The following KIAA2012 variants were observed in gnomAD, a reference collection of about 807,000 sequenced individuals.
KIAA2012 encodes KIAA2012, also known as uncharacterized protein KIAA2012.
A neutral mutation model predicts 150.6 loss-of-function variants in KIAA2012; 125 were observed. The ratio of observed to expected loss-of-function variants is 0.83; its 90% CI spans 0.72 to 0.96. KIAA2012 has a LOEUF of 0.96. Among genes scored for constraint, KIAA2012 ranks in the 40% least tolerant of loss-of-function variants. KIAA2012 has a pLI of 0.00. For synonymous variants in KIAA2012, 462 were observed against 504.7 expected, an observed-to-expected ratio of 0.92 and a Z score of 1.13; for missense variants, 1,219 against 1,354.9, an observed-to-expected ratio of 0.90 and a Z score of 1.57.
chr2:202,152,455 T>C (rs950263498), intron 13 of KIAA2012, among the ~76,000 whole-genome samples: 2 of 152,188 alleles, frequency 1.3e-5, no homozygotes, highest in African/African-American at 4.8e-5. Context: ...TTGGAACTCG[T>C]CTTGACTATG....
chr2:202,138,465 A>G lies in KIAA2012; in HGVS notation c.1865A>G (p.Asn622Ser). 1 of 1,550,620 alleles carries G rather than the reference A, an allele frequency of 6.4e-7. No individual in the cohort carries two copies. The highest frequency in any genetic ancestry group is 8.7e-7 in the Non-Finnish European group (1 of 1,146,966). ...GAACCTAGAGCCAATCTTCACATGA[A>G]CCTTTATGAAACCTCACCGTTGACC... ...NTEPRANLHMNLYETSPLTQT... is the reference protein window; with the variant it reads ...NTEPRANLHMSLYETSPLTQT... Residue 622 changes from asparagine (N) to serine (S), a missense_variant, in exon 13 of 24, where the codon AAC becomes AGC. Transcript: ENST00000498697.
intron 14 of KIAA2012, among the ~76,000 whole-genome samples, chr2:202,162,387 G>T (rs1691674599): frequency 6.6e-6 from 1 of 151,732 alleles, no homozygotes; most frequent in South Asian, 2.1e-4. Flanking sequence ...CGATTCTCCT[G>T]CCTCAGCCTC....
chr2:202,200,707 C>T (rs1200580151), intron 22 of KIAA2012, among the ~76,000 whole-genome samples: 12 of 124,268 alleles, frequency 9.7e-5, no homozygotes, highest in Admixed American at 2.7e-4. Flanking sequence ...AATTTTGGAA[C>T]TTTTTTTTTT....
rs1689775140 is a variant in KIAA2012 at position 202,093,174 on chromosome 2, C to A, written c.674C>A (p.Ser225Tyr). The change falls in exon 4 of 24, where the codon TCT (serine) becomes TAT (tyrosine). Residue 225 changes from serine (S) to tyrosine (Y), a missense_variant. Physicochemically the swap from Ser to Tyr is moderately radical, Grantham distance 144. Coordinates refer to ENST00000498697, the MANE Select transcript of KIAA2012 (RefSeq NM_001277372.4). ...TCATTTTGGATTCAACAAGGAAAAT[C>A]TTTTGAACAACGTACGTGTTGATTT... Reference protein sequence around the residue: ...FPSFWIQQGKSFEQRQQGLDE... With the variant: ...FPSFWIQQGKYFEQRQQGLDE... 6.4e-7 allele frequency: 1 copy of A among 1,551,036 alleles called. No homozygotes were observed. The highest frequency in any genetic ancestry group is 1.4e-5 in the African/African-American group (1 of 73,060).
intron 12 of KIAA2012, among the ~76,000 whole-genome samples, chr2:202,135,202 G>A (rs1691035221): frequency 6.6e-6 from 1 of 152,224 alleles, no homozygotes; most frequent in Non-Finnish European, 1.5e-5. Context: ...TGTGTTTTCT[G>A]TTTATCTCTT....
intron 14 of KIAA2012, among the ~76,000 whole-genome samples, chr2:202,162,800 G>C (rs1258648828): frequency 2.0e-5 from 3 of 150,946 alleles, no homozygotes; most frequent in African/African-American, 7.3e-5. Flanking sequence ...CGTGGTGGCG[G>C]GCGCCTATAG....
At chr2:202,151,938 AT>A (rs928998683) in intron 13 of KIAA2012, among the ~76,000 whole-genome samples, 1 of 151,658 alleles carries the variant, frequency 6.6e-6, no homozygotes, top group Non-Finnish European at 1.5e-5. Flanking sequence ...TTTTCTTTAA[AT>A]TTTTTTGTAA....
chr2:202,119,436 C>T (rs1690606691), intron 11 of KIAA2012, among the ~76,000 whole-genome samples: 1 of 152,044 alleles, frequency 6.6e-6, no homozygotes, highest in African/African-American at 2.4e-5. Context: ...ATTCTACCTC[C>T]CTTGCATTTG....
chr2:202,094,831 T>C (rs1689823706), intron 4 of KIAA2012, among the ~76,000 whole-genome samples: 1 of 152,192 alleles, frequency 6.6e-6, no homozygotes, highest in Non-Finnish European at 1.5e-5. Context: ...AGGGCTTTCA[T>C]TTTATGGCTG....
intron 23 of KIAA2012, among the ~76,000 whole-genome samples, chr2:202,203,658 T>C (rs1692574814): frequency 6.6e-6 from 1 of 152,232 alleles, no homozygotes; most frequent in South Asian, 2.1e-4. Context: ...GGCAGCATTA[T>C]TCTAGAGCCC....
intron 11 of KIAA2012, chr2:202,115,112 TTTTGGTTTGG>T (rs1211997435): frequency 6.4e-6 from 1 of 157,006 alleles, no homozygotes; most frequent in African/African-American, 2.4e-5. Flanking sequence ...TGTTTGTTTG[TTTTGGTTTGG>T]TTTGGTTTGG....
intron 8 of KIAA2012, among the ~76,000 whole-genome samples, chr2:202,105,269 G>A (rs376634249): frequency 6.7e-6 from 1 of 150,216 alleles, no homozygotes; most frequent in Non-Finnish European, 1.5e-5. Flanking sequence ...GGAAAGGAAG[G>A]AGGGAAGGAA....
At chr2:202,153,194 A>G (rs1390310701) in intron 13 of KIAA2012, among the ~76,000 whole-genome samples, 1 of 152,206 alleles carries the variant, frequency 6.6e-6, no homozygotes, top group Non-Finnish European at 1.5e-5. Flanking sequence ...ACCCTGTGCC[A>G]GAAACTGCTG....
In KIAA2012 at chr2:202,113,425, G is replaced by A. The variant is rs573882986; in HGVS notation, c.1741G>A (p.Glu581Lys). ...GTCCCTCCCAGGGCATACCCAAACC[G>A]AGGCGCTTCCATCGGGTAAAGGTAA... ...CLSLPGHTQT[E>K]ALPSGKAYES... The change falls in exon 11 of 24, where the codon GAG (glutamate) becomes AAG (lysine). Residue 581 changes from glutamate to lysine, a missense_variant. Transcript: ENST00000498697. 1.7e-4 allele frequency: 266 copies of A among 1,550,148 alleles called. 2 individuals are homozygous for A. In the Middle Eastern group the frequency reaches 4.8e-3, roughly 28 times the overall value.
chr2:202,163,781 ATTTTTT>A (rs902559663), intron 14 of KIAA2012, among the ~76,000 whole-genome samples: 8 of 106,360 alleles, frequency 7.5e-5, no homozygotes, highest in African/African-American at 2.7e-4. Flanking sequence ...TATTCAGGGA[ATTTTTT>A]TTTTTTTTTT....
chr2:202,174,469 C>T (rs1264390185), intron 15 of KIAA2012, among the ~76,000 whole-genome samples: 1 of 152,084 alleles, frequency 6.6e-6, no homozygotes, highest in Non-Finnish European at 1.5e-5. Flanking sequence ...ACTCTACAGA[C>T]AAGACATTAA....
intron 12 of KIAA2012, among the ~76,000 whole-genome samples, chr2:202,135,006 G>A (rs1444643446): frequency 2.0e-5 from 3 of 152,192 alleles, no homozygotes; most frequent in African/African-American, 7.2e-5. Flanking sequence ...AGTGTTTGGT[G>A]AAGGAGTCCA....
At chr2:202,140,793 C>T (rs935986419) in intron 13 of KIAA2012, among the ~76,000 whole-genome samples, 2 of 152,160 alleles carry the variant, frequency 1.3e-5, no homozygotes, top group African/African-American at 2.4e-5. Flanking sequence ...TCCTTCCCTG[C>T]GGCCTTTCCC....
At chr2:202,134,161 G>A (rs1004900831) in intron 12 of KIAA2012, among the ~76,000 whole-genome samples, 1 of 152,192 alleles carries the variant, frequency 6.6e-6, no homozygotes, top group Admixed American at 6.5e-5. Context: ...AGACCTGTTT[G>A]GCAATGGATA....
Sources: gnomAD v4.1 joint callset for allele counts (sites outside exome capture counted in the v4.1 genomes callset) on GRCh38, gnomAD v4.1.1 for gene constraint, MANE v1.5 for transcripts, NCBI Gene and HGNC (gene_info 2026-07-23, HGNC 2026-07-21) for gene names.